Variants in CTNNA3 observed in about 807,000 individuals in gnomAD.
The protein encoded by CTNNA3 is catenin alpha 3.
CTNNA3 carries 76 observed loss-of-function variants against 95.7 expected under a neutral mutation model. That is an observed-to-expected ratio of 0.79 (90% CI 0.66 to 0.96). The LOEUF is 0.96. Ranked by LOEUF, CTNNA3 falls within the 40% of genes least tolerant of loss-of-function variation. The pLI is 0.00. For synonymous variants in CTNNA3, 431 were observed against 374.4 expected, an observed-to-expected ratio of 1.15 and a Z score of -1.74; for missense variants, 1,191 against 1,089.8, an observed-to-expected ratio of 1.09 and a Z score of -1.31.
At chr10:65,995,685 G>A (rs7912183) in intron 15 of CTNNA3, among the ~76,000 whole-genome samples, 21,370 of 152,240 alleles carry the variant, frequency 0.14, 1,540 homozygotes, top group East Asian at 0.2. Context: ...TTAAGTTCCT[G>A]GGTAGCATGC....
intron 4 of CTNNA3, among the ~76,000 whole-genome samples, chr10:67,537,901 C>T (rs1840534718): frequency 2.0e-5 from 3 of 151,908 alleles, no homozygotes; most frequent in Admixed American, 6.6e-5. Context: ...ATTATGACAC[C>T]TACAAATCCA....
At chr10:66,162,302 T>A (rs1489558209) in intron 13 of CTNNA3, among the ~76,000 whole-genome samples, 1 of 152,102 alleles carries the variant, frequency 6.6e-6, no homozygotes, top group Non-Finnish European at 1.5e-5. Context: ...ATTACCAGGG[T>A]TGCTTTTCTG....
intron 15 of CTNNA3, among the ~76,000 whole-genome samples, chr10:66,026,771 A>C (rs932871869): frequency 6.6e-6 from 1 of 152,168 alleles, no homozygotes; most frequent in African/African-American, 2.4e-5. Context: ...TTATTGACAC[A>C]AGATTTTGAA....
intron 5 of CTNNA3, among the ~76,000 whole-genome samples, chr10:67,517,374 T>C (rs1839849209): frequency 1.3e-5 from 2 of 152,180 alleles, no homozygotes; most frequent in South Asian, 2.1e-4. Flanking sequence ...TTTTATCAAA[T>C]AAATTTTATC....
At chr10:67,690,760 C>G (rs982629434) in intron 1 of CTNNA3, among the ~76,000 whole-genome samples, 3 of 152,218 alleles carry the variant, frequency 2.0e-5, no homozygotes, top group African/African-American at 7.2e-5. Context: ...GTAACTTAAG[C>G]AACGCTACTC....
At chr10:66,191,995 C>T (rs534460000) in intron 13 of CTNNA3, among the ~76,000 whole-genome samples, 2 of 151,646 alleles carry the variant, frequency 1.3e-5, no homozygotes, top group South Asian at 4.1e-4. Flanking sequence ...ACTCTGTTGC[C>T]TTCTGCCATG....
intron 7 of CTNNA3, among the ~76,000 whole-genome samples, chr10:66,920,707 A>T (rs937080075): frequency 2.6e-5 from 4 of 152,194 alleles, no homozygotes; most frequent in African/African-American, 9.7e-5. Flanking sequence ...ATTTAATCCA[A>T]ATGTGTTAAA....
intron 3 of CTNNA3, among the ~76,000 whole-genome samples, chr10:67,568,465 ATG>A (rs61162014): frequency 0.3 from 45,703 of 149,950 alleles, 8,282 homozygotes; most frequent in African/African-American, 0.5. Flanking sequence ...GTATATATAT[ATG>A]TGTGTGTGTG....
chr10:66,418,513 A>G (rs1049739251), intron 11 of CTNNA3, among the ~76,000 whole-genome samples: 1 of 151,044 alleles, frequency 6.6e-6, no homozygotes, highest in Non-Finnish European at 1.5e-5. Flanking sequence ...TTCCTAACAT[A>G]TTCTATAAAG....
intron 14 of CTNNA3, among the ~76,000 whole-genome samples, chr10:66,097,512 AAGTT>A (rs1463322861): frequency 6.6e-6 from 1 of 152,172 alleles, no homozygotes; most frequent in Non-Finnish European, 1.5e-5. Context: ...AGAAAATTGA[AAGTT>A]AGAAATGTAA....
At chr10:67,312,845 T>A (rs923546548) in intron 5 of CTNNA3, among the ~76,000 whole-genome samples, 2 of 152,224 alleles carry the variant, frequency 1.3e-5, no homozygotes, top group Non-Finnish European at 2.9e-5. Context: ...GACTTTGATC[T>A]AAAACCCAGC....
chr10:66,097,298 T>A (rs1406832382), intron 14 of CTNNA3, among the ~76,000 whole-genome samples: 2 of 152,140 alleles, frequency 1.3e-5, no homozygotes, highest in African/African-American at 4.8e-5. Context: ...CAAAGCTCCC[T>A]GAGCTACTCA....
chr10:67,515,368 C>T (rs1047985655), intron 5 of CTNNA3, among the ~76,000 whole-genome samples: 2 of 152,148 alleles, frequency 1.3e-5, no homozygotes, highest in Non-Finnish European at 2.9e-5. Context: ...CTTCTTTTCT[C>T]TATATCAGAA....
chr10:66,801,464 C>T (rs1173605853), intron 7 of CTNNA3, among the ~76,000 whole-genome samples: 1 of 151,228 alleles, frequency 6.6e-6, no homozygotes, highest in Non-Finnish European at 1.5e-5. Flanking sequence ...TTATACAACA[C>T]CAATAAGCAA....
intron 1 of CTNNA3, among the ~76,000 whole-genome samples, chr10:67,744,620 A>C (rs1382237069): frequency 6.6e-6 from 1 of 151,128 alleles, no homozygotes; most frequent in Non-Finnish European, 1.5e-5. Context: ...AAAACACCAA[A>C]AGCAATGGCA....
At chr10:65,920,707 C>T (rs2077073283) in intron 17 of CTNNA3, 90 bp from the exon 18 acceptor site, 1 of 1,389,422 alleles carries the variant, frequency 7.2e-7, no homozygotes. Context: ...GTGCCCGTTG[C>T]CCCAGCTACT....
At chr10:66,958,366 C>T (rs1376938533) in intron 7 of CTNNA3, among the ~76,000 whole-genome samples, 1 of 144,294 alleles carries the variant, frequency 6.9e-6, no homozygotes, top group African/African-American at 2.6e-5. Flanking sequence ...TAGAAAAACT[C>T]TTGAAAGCTA....
At chr10:66,081,960 T>A (rs896660234) in intron 14 of CTNNA3, among the ~76,000 whole-genome samples, 8 of 151,782 alleles carry the variant, frequency 5.3e-5, no homozygotes, top group African/African-American at 7.2e-5. Flanking sequence ...CTACTAAAAA[T>A]ACAAAAAATT....
intron 5 of CTNNA3, among the ~76,000 whole-genome samples, chr10:67,279,026 G>A (rs1026128968): frequency 7.2e-5 from 11 of 152,026 alleles, no homozygotes; most frequent in Admixed American, 6.6e-4. Flanking sequence ...TTTAGGCGTG[G>A]GTAAATTTTT....
Sources: allele counts gnomAD v4.1 joint callset (sites outside exome capture counted in the v4.1 genomes callset), GRCh38; gene constraint gnomAD v4.1.1; transcripts MANE v1.5; gene names NCBI Gene and HGNC (gene_info 2026-07-23, HGNC 2026-07-21).